Variants in GHR observed in about 807,000 individuals in gnomAD.
GHR encodes growth hormone receptor.
In GHR, 35 loss-of-function variants were observed where a neutral mutation model predicts 67.1. The ratio of observed to expected loss-of-function variants is 0.52; its 90% CI spans 0.40 to 0.69. The LOEUF is 0.69. Ranked by LOEUF, GHR falls within the 30% of genes least tolerant of loss-of-function variation. GHR has a pLI of 0.00. For missense variants in GHR, 792 were observed against 764.6 expected, an observed-to-expected ratio of 1.04 and a Z score of -0.42; for synonymous variants, 272 against 269.1, an observed-to-expected ratio of 1.01 and a Z score of -0.10.
At chr5:42,646,324 CTT>C (rs1420765648) in intron 3 of GHR, 1 of 454,334 alleles carries the variant, frequency 2.2e-6, no homozygotes, top group African/African-American at 2.0e-5. Flanking sequence ...CCATTCTTCT[CTT>C]TGCAGGATGG....
chr5:42,683,320 A>G (rs937703743), intron 3 of GHR, among the ~76,000 whole-genome samples: 1 of 152,092 alleles, frequency 6.6e-6, no homozygotes, highest in Non-Finnish European at 1.5e-5. Context: ...GGGTTTTTAT[A>G]CTGAGGGCCT....
At chr5:42,439,215 G>T (rs1743462740) in intron 1 of GHR, among the ~76,000 whole-genome samples, 1 of 152,168 alleles carries the variant, frequency 6.6e-6, no homozygotes, top group African/African-American at 2.4e-5. Flanking sequence ...AATAATAACT[G>T]CATTATTGAA....
intron 4 of GHR, among the ~76,000 whole-genome samples, chr5:42,689,319 G>A (rs1055772078): frequency 9.9e-5 from 15 of 152,158 alleles, no homozygotes; most frequent in Non-Finnish European, 2.9e-5. Context: ...TAGTAATATA[G>A]GTTATTAAGA....
At chr5:42,651,078 G>T (rs1263372094) in intron 3 of GHR, among the ~76,000 whole-genome samples, 5 of 152,128 alleles carry the variant, frequency 3.3e-5, no homozygotes, top group African/African-American at 1.2e-4. Context: ...TTCTGCTTGG[G>T]CATTAAGGAC....
chr5:42,608,768 A>C (rs1171052579), intron 2 of GHR, among the ~76,000 whole-genome samples: 1 of 152,108 alleles, frequency 6.6e-6, no homozygotes, highest in East Asian at 1.9e-4. Flanking sequence ...ATGCTACCAC[A>C]TATTCTTTAT....
chr5:42,625,781 C>A (rs1214089728), intron 2 of GHR, among the ~76,000 whole-genome samples: 1 of 138,794 alleles, frequency 7.2e-6, no homozygotes, highest in Non-Finnish European at 1.7e-5. Context: ...TAAAACTGTG[C>A]CTGGCTCTTA....
At chr5:42,480,106 C>A (rs1258756818) in intron 1 of GHR, among the ~76,000 whole-genome samples, 1 of 152,182 alleles carries the variant, frequency 6.6e-6, no homozygotes, top group Non-Finnish European at 1.5e-5. Context: ...TTGTTGCTTT[C>A]AAAGAACATC....
chr5:42,504,637 T>C (rs1392247441), intron 1 of GHR, among the ~76,000 whole-genome samples: 1 of 152,088 alleles, frequency 6.6e-6, no homozygotes, highest in Non-Finnish European at 1.5e-5. Context: ...TGCACACCTG[T>C]AGTCCCAGCT....
rs571775057 is a variant in GHR, at chr5:42,573,850, T to G, written c.70+7906T>G. On this transcript the variant is annotated intron_variant, in intron 2 of 9. Transcript: ENST00000230882. ...TTCTGAATATGAAAAAATGATACTT[T>G]GTGTATTTTTTAATTTTTTGGCAAA... 1.8e-3 allele frequency among the ~76,000 whole-genome samples: 276 copies of G among 152,336 alleles called. 1 individual carries two copies. Among genetic ancestry groups the G allele is most frequent in the Non-Finnish European group, 3.2e-3 (221 of 68,036 alleles).
chr5:42,534,265 T>C (rs1479069203), intron 1 of GHR, among the ~76,000 whole-genome samples: 6 of 140,460 alleles, frequency 4.3e-5, no homozygotes, highest in Non-Finnish European at 7.6e-5. Flanking sequence ...TACATGTGTA[T>C]ATGTGTATAT....
intron 3 of GHR, among the ~76,000 whole-genome samples, chr5:42,653,170 T>G (rs1476453214): frequency 2.0e-5 from 3 of 152,112 alleles, no homozygotes; most frequent in Admixed American, 2.0e-4. Flanking sequence ...TGAGCTTTAG[T>G]ATGTGGATAA....
At chr5:42,433,724 G>T in intron 1 of GHR, among the ~76,000 whole-genome samples, 2 of 143,972 alleles carry the variant, frequency 1.4e-5, no homozygotes, top group East Asian at 2.1e-4. Context: ...CAGTACTTAA[G>T]ATATGGTATT....
At position 42,573,074 on chromosome 5, in the gene GHR, G is replaced by A. The variant is rs184699967; in HGVS notation, c.70+7130G>A. On this transcript the variant is annotated intron_variant, in intron 2 of 9. Coordinates refer to ENST00000230882, the MANE Select transcript of GHR (RefSeq NM_000163.5). Reference sequence around the variant, plus strand: ...GTTATAGAATTAAAACTTATTAGACGTTAAAATCCATGAAGGATATTTTGC... The same window carrying A: ...GTTATAGAATTAAAACTTATTAGACATTAAAATCCATGAAGGATATTTTGC... 2.5e-3 allele frequency among the ~76,000 whole-genome samples: 378 copies of A among 152,280 alleles called. 2 individuals carry two copies. Among genetic ancestry groups the A allele is most frequent in the African/African-American group, 8.3e-3 (346 of 41,568 alleles).
chr5:42,428,953 A>G (rs1742972843), intron 1 of GHR, among the ~76,000 whole-genome samples: 1 of 152,114 alleles, frequency 6.6e-6, no homozygotes, highest in Non-Finnish European at 1.5e-5. Flanking sequence ...TGAGCCCTCC[A>G]TACTGTTCAA....
chr5:42,693,272 G>C (rs1228432234), intron 4 of GHR, among the ~76,000 whole-genome samples: 1 of 151,956 alleles, frequency 6.6e-6, no homozygotes, highest in African/African-American at 2.4e-5. Flanking sequence ...CTACCGAATA[G>C]CTGGGATTAC....
chr5:42,638,772 A>G (rs1258390926), intron 3 of GHR, among the ~76,000 whole-genome samples: 2 of 152,320 alleles, frequency 1.3e-5, no homozygotes, highest in East Asian at 3.9e-4. Context: ...ATTGATATAT[A>G]CATTTAATGG....
At chr5:42,663,694 A>G (rs1561208817) in intron 3 of GHR, among the ~76,000 whole-genome samples, 1 of 152,230 alleles carries the variant, frequency 6.6e-6, no homozygotes, top group Non-Finnish European at 1.5e-5. Context: ...CAAGACAGGG[A>G]TGACCTCTCT....
chr5:42,463,719 C>T (rs1187922076), intron 1 of GHR, among the ~76,000 whole-genome samples: 4 of 151,978 alleles, frequency 2.6e-5, no homozygotes, highest in African/African-American at 9.7e-5. Context: ...GTGGGCCGGG[C>T]GCGGTGGCTC....
chr5:42,465,362 A>G lies in GHR; in HGVS notation c.-12+41407A>G, dbSNP rs575553653. ...TCAGTTATTACCCACCAGTAAGAGA[A>G]AGTTAGGTTAAGGGTATAAAGGGAT... On this transcript the variant is annotated intron_variant, in intron 1 of 9. Coordinates refer to ENST00000230882, the MANE Select transcript of GHR (RefSeq NM_000163.5). 4 of 915,052 alleles carry G rather than the reference A, an allele frequency of 4.4e-6. No individual in the cohort carries two copies. The African/African-American group carries it at 6.7e-5, about 15-fold the overall frequency. 56.7% of individuals were successfully genotyped at this position (915,052 alleles called of 1,614,324 possible).
Sources: allele counts gnomAD v4.1 joint callset (sites outside exome capture counted in the v4.1 genomes callset), GRCh38; gene constraint gnomAD v4.1.1; transcripts MANE v1.5; gene names NCBI Gene and HGNC (gene_info 2026-07-23, HGNC 2026-07-21).